Variants in KCND3 observed in about 807,000 individuals in gnomAD.
KCND3 encodes the protein potassium voltage-gated channel subfamily D member 3.
In KCND3, 9 loss-of-function variants were observed where a neutral mutation model predicts 51.1. The ratio of observed to expected loss-of-function variants is 0.18; its 90% CI spans 0.11 to 0.31. The LOEUF is 0.31. Ranked by LOEUF, KCND3 falls within the 10% of genes least tolerant of loss-of-function variation. The pLI is 1.00. For missense variants in KCND3, 526 were observed against 903.8 expected, an observed-to-expected ratio of 0.58 and a Z score of 5.36; for synonymous variants, 349 against 368.0, an observed-to-expected ratio of 0.95 and a Z score of 0.59.
chr1:111,900,153 C>A (rs1670319112), intron 2 of KCND3, among the ~76,000 whole-genome samples: 1 of 152,248 alleles, frequency 6.6e-6, no homozygotes, highest in Non-Finnish European at 1.5e-5. Flanking sequence ...GGGCACCTCA[C>A]CCTTGCCTTC....
At chr1:111,871,867 A>G (rs1668841825) in intron 2 of KCND3, among the ~76,000 whole-genome samples, 1 of 152,154 alleles carries the variant, frequency 6.6e-6, no homozygotes, top group Non-Finnish European at 1.5e-5. Flanking sequence ...GAGAGGTCCA[A>G]GGAAAGAAGG....
At chr1:111,984,745 A>C (rs1675170462) in intron 1 of KCND3, among the ~76,000 whole-genome samples, 1 of 152,002 alleles carries the variant, frequency 6.6e-6, no homozygotes, top group Non-Finnish European at 1.5e-5. Context: ...TAAGACCAAG[A>C]CCTGTTCATG....
At chr1:111,783,288 T>A (rs1490211550) in intron 3 of KCND3, among the ~76,000 whole-genome samples, 1 of 149,506 alleles carries the variant, frequency 6.7e-6, no homozygotes, top group African/African-American at 2.5e-5. Context: ...GCTCAGGACC[T>A]CCAACTTTCA....
chr1:111,863,730 T>G (rs1226417923), intron 2 of KCND3, among the ~76,000 whole-genome samples: 1 of 152,138 alleles, frequency 6.6e-6, no homozygotes, highest in Admixed American at 6.5e-5. Flanking sequence ...TTAAAGGGTT[T>G]TAAGCAGGAT....
At chr1:111,857,974 C>T (rs1571750733) in intron 2 of KCND3, among the ~76,000 whole-genome samples, 1 of 152,120 alleles carries the variant, frequency 6.6e-6, no homozygotes, top group African/African-American at 2.4e-5. Flanking sequence ...TTCTGATTCT[C>T]GCAATAATGC....
intron 2 of KCND3, among the ~76,000 whole-genome samples, chr1:111,937,934 C>G (rs997091878): frequency 6.6e-5 from 10 of 152,216 alleles, no homozygotes; most frequent in African/African-American, 2.4e-4. Context: ...TCATGCCACT[C>G]TCCCACTCAA....
intron 2 of KCND3, among the ~76,000 whole-genome samples, chr1:111,877,942 G>A (rs1669123646): frequency 2.6e-5 from 4 of 152,320 alleles, no homozygotes; most frequent in Middle Eastern, 6.8e-3. Context: ...CCTACTATGT[G>A]CAATTCATAT....
At chr1:111,985,966 G>A (rs1014720970) in intron 1 of KCND3, among the ~76,000 whole-genome samples, 22 of 152,222 alleles carry the variant, frequency 1.4e-4, no homozygotes, top group African/African-American at 5.3e-4. Flanking sequence ...GTTCATGCAT[G>A]GCAGTGGGTA....
rs1380046911 is a variant in KCND3, at chr1:111,982,740, C to T, written c.-14G>A. 1.3e-6 allele frequency: 2 copies of T among 1,598,894 alleles called. No homozygotes were observed. The highest frequency in any genetic ancestry group is 1.7e-6 in the Non-Finnish European group (2 of 1,178,294). ...TCCGGCCGCCATGGTGACTCCAGCT[C>T]TTGGGCCGGCAGCCGCGCGGACGCT... On this transcript the variant is annotated 5_prime_UTR_variant, in exon 2 of 8. Coordinates refer to ENST00000302127, the MANE Select transcript of KCND3 (RefSeq NM_001378969.1). This position sits in a 1 kb window ranked among gnomAD's most constrained non-coding sequence, Gnocchi z 8.5.
chr1:111,903,453 G>A (rs1670489252), intron 2 of KCND3, among the ~76,000 whole-genome samples: 2 of 152,194 alleles, frequency 1.3e-5, no homozygotes. Flanking sequence ...CCAAGCCTCC[G>A]AAAGCCTCTT....
At chr1:111,848,162 C>A (rs551409454) in intron 2 of KCND3, among the ~76,000 whole-genome samples, 2 of 152,206 alleles carry the variant, frequency 1.3e-5, no homozygotes, top group African/African-American at 4.8e-5. Context: ...TCCTCAGCCA[C>A]GCGATCGCCT....
chr1:111,889,223 C>T (rs181410124), intron 2 of KCND3, among the ~76,000 whole-genome samples: 1 of 152,342 alleles, frequency 6.6e-6, no homozygotes, highest in African/African-American at 2.4e-5. Context: ...CCCAAAAATT[C>T]AGGGGACAGA....
At chr1:111,870,089 T>A (rs1265831319) in intron 2 of KCND3, among the ~76,000 whole-genome samples, 1 of 152,234 alleles carries the variant, frequency 6.6e-6, no homozygotes, top group African/African-American at 2.4e-5. Context: ...CTTGCTTGTA[T>A]CATTTAAGCC....
intron 2 of KCND3, among the ~76,000 whole-genome samples, chr1:111,955,558 A>T (rs1448846810): frequency 6.6e-6 from 1 of 152,076 alleles, no homozygotes; most frequent in East Asian, 1.9e-4. Flanking sequence ...CATTGTAATG[A>T]TCTGTTTACA....
At chr1:111,783,258 A>G (rs1664466160) in intron 3 of KCND3, among the ~76,000 whole-genome samples, 1 of 151,442 alleles carries the variant, frequency 6.6e-6, no homozygotes. Context: ...AGGGAAAGGC[A>G]GTGGACGATC....
intron 2 of KCND3, among the ~76,000 whole-genome samples, chr1:111,941,493 C>T (rs1672519881): frequency 6.6e-6 from 1 of 152,188 alleles, no homozygotes; most frequent in South Asian, 2.1e-4. Context: ...AAATCAGGGC[C>T]TTGTTTTACC....
chr1:111,927,443 G>T (rs1212720582), intron 2 of KCND3, among the ~76,000 whole-genome samples: 3 of 152,244 alleles, frequency 2.0e-5, no homozygotes, highest in African/African-American at 7.2e-5. Flanking sequence ...ATAAGCCACT[G>T]AGTTAGAGAA....
rs530757249 is a variant in KCND3, at chr1:111,854,873, G to A, written c.1107-67767C>T. ...CTGGTGCCGGGCTACTCTTTGAAAA[G>A]GGGTGAAACAAGGCCTCGCTGTCTA... On this transcript the variant is annotated intron_variant, in intron 2 of 7. Coordinates refer to ENST00000302127, the MANE Select transcript of KCND3 (RefSeq NM_001378969.1). Among the ~76,000 whole-genome samples, 15 of 152,308 alleles carry A rather than the reference G, an allele frequency of 9.8e-5. No individual in the cohort carries two copies. In the South Asian group the frequency reaches 1.7e-3, roughly 17 times the overall value.
At chr1:111,784,959 A>G (rs1327250318) in intron 3 of KCND3, among the ~76,000 whole-genome samples, 1 of 152,132 alleles carries the variant, frequency 6.6e-6, no homozygotes, top group Non-Finnish European at 1.5e-5. Context: ...GCACGCCTGT[A>G]ATCCCAGCTA....
Sources: allele counts gnomAD v4.1 joint callset (sites outside exome capture counted in the v4.1 genomes callset), GRCh38; gene constraint gnomAD v4.1.1; non-coding constraint Gnocchi (gnomAD v3.1); transcripts MANE v1.5; gene names NCBI Gene and HGNC (gene_info 2026-07-23, HGNC 2026-07-21).